TLX3: variants seen among roughly 807,000 people sequenced by gnomAD.
TLX3 encodes T cell leukemia homeobox 3.
In TLX3, 11 loss-of-function variants were observed where a neutral mutation model predicts 19.6. The ratio of observed to expected loss-of-function variants is 0.56; its 90% confidence interval spans 0.35 to 0.93. The LOEUF (loss-of-function observed/expected upper bound fraction) is 0.93, where lower values mean the gene tolerates loss of function less well. Ranked by LOEUF, TLX3 falls within the 40% of genes least tolerant of loss-of-function variation. TLX3 has a pLI of 0.01. For missense variants in TLX3, 375 were observed against 418.6 expected (o/e 0.90, Z 0.91); for synonymous variants, 221 against 188.1 (o/e 1.17, Z -1.43).
At position 171,310,286 on chromosome 5, in the gene TLX3, T is replaced by C. The variant is rs1176082576; in HGVS notation, c.558T>C (p.His186=). The C allele has an allele frequency of 3.8e-6, 6 of 1,595,818 alleles. No homozygotes were observed. The highest frequency in any genetic ancestry group is 1.7e-4 in the Middle Eastern group (1 of 6,042). The part of the protein sequence containing the change: ...VQICELEKRF[H]RQKYLASAER... The stretch of plus-strand genomic sequence containing the variant: ...TCTGCGAGCTGGAAAAGCGCTTCCA[T>C]CGCCAGAAGTACCTGGCCTCTGCCG... Residue 186 remains histidine, a synonymous_variant, in exon 2 of 3, where the codon CAT becomes CAC. Coordinates refer to ENST00000296921, the MANE Select transcript of TLX3 (RefSeq NM_021025.4).
chr5:171,309,763 G>T lies in TLX3; in HGVS notation c.398G>T (p.Arg133Leu), dbSNP rs753416126. ...LNFPWMESSR[R>L]FVKDRFTAAA... The stretch of plus-strand genomic sequence containing the variant: ...TTCCCCTGGATGGAGAGCAGCCGCC[G>T]CTTCGTGAAAGACCGCTTCACAGGT... Residue 133 changes from arginine (R) to leucine (L), a missense_variant, in exon 1 of 3, where the codon CGC becomes CTC. Arg to Leu is a moderately radical substitution (Grantham distance 102). Transcript: ENST00000296921. The T allele has an allele frequency of 6.2e-7, 1 of 1,606,268 alleles. No homozygotes were observed. The highest frequency in any genetic ancestry group is 1.1e-5 in the South Asian group (1 of 90,382).
rs1478136001 is a variant in TLX3 at position 171,311,637 on chromosome 5, C to T, written c.*38C>T. The T allele has an allele frequency of 9.1e-6, 14 of 1,532,478 alleles. No homozygotes were observed. Among genetic ancestry groups the T allele is most frequent in the African/African-American group, 4.2e-5 (3 of 71,552 alleles). The allele number at this position is 1,532,478 out of a possible 1,614,324, so 94.9% of individuals were successfully genotyped here. ...GCACCGTCGCCACGGATCGCCGCCC[C>T]CACCCAGCCGGGCGCCCCGGACCCC... is the stretch of plus-strand genomic sequence containing the variant. On this transcript the variant is annotated 3_prime_UTR_variant, in exon 3 of 3. Transcript: ENST00000296921. The surrounding 1 kb of genome is among the most constrained non-coding windows in gnomAD (Gnocchi z 5.1).
chr5:171,310,142 C>T lies in TLX3; in HGVS notation c.422-8C>T, dbSNP rs371743904. ...CTGGGCTTCAGGGGCCCTCCTGTGT[C>T]TCCGCAGCGGCGGCCGCACTCACGC... On this transcript the variant is annotated splice_region_variant and splice_polypyrimidine_tract_variant and intron_variant, in intron 1 of 2. Transcript: ENST00000296921. The T allele has an allele frequency of 6.5e-7, 1 of 1,549,002 alleles. No homozygotes were observed. Among genetic ancestry groups the T allele is most frequent in the South Asian group, 1.2e-5 (1 of 83,912 alleles).
chr5:171,309,588 T>A lies in TLX3; in HGVS notation c.223T>A (p.Ser75Thr), dbSNP rs1329433459. 6.2e-7 allele frequency: 1 copy of A among 1,603,194 alleles called. No individual in the cohort carries two copies. The highest frequency in any genetic ancestry group is 1.7e-5 in the Admixed American group (1 of 58,994). The change falls in exon 1 of 3, where the codon TCT (serine) becomes ACT (threonine). Residue 75 changes from serine (S) to threonine (T), a missense_variant. Transcript: ENST00000296921. ...CGGCGCGCCCTTCGAGGACGCGGGATCTTACAGTGTGAACCTGAGCCTAGC... is the reference window on the plus strand; with the variant it reads ...CGGCGCGCCCTTCGAGGACGCGGGAACTTACAGTGTGAACCTGAGCCTAGC... ...GLGAPFEDAG[S>T]YSVNLSLAPA...
rs777494954 is a variant in TLX3 at position 171,309,514 on chromosome 5, G to A, written c.149G>A (p.Gly50Asp). The A allele has an allele frequency of 1.5e-5, 24 of 1,564,682 alleles. No individual in the cohort carries two copies. The highest frequency in any genetic ancestry group is 2.4e-5 in the East Asian group (1 of 41,916). Residue 50 changes from glycine to aspartate, a missense_variant, in exon 1 of 3, where the codon GGC becomes GAC. Gly to Asp is a moderately conservative substitution (Grantham distance 94, BLOSUM62 -1). Around this residue, in one of 3 missense-constraint regions of TLX3, gnomAD observed 239 missense variants for 217.0 expected, o/e 1.10. Transcript: ENST00000296921. The stretch of plus-strand genomic sequence containing the variant: ...AGCTACCTGGGAGGGCCCCCCGGGG[G>A]CCGTCCGGGCGCCACATACCCGTCT... ...GASYLGGPPG[G>D]RPGATYPSLP...
chr5:171,309,463 C>G lies in TLX3; in HGVS notation c.98C>G (p.Pro33Arg), dbSNP rs1254448679. Residue 33 changes from proline to arginine, a missense_variant, in exon 1 of 3, where the codon CCC (proline) becomes CGC (arginine). Physicochemically the swap from Pro to Arg is moderately radical, Grantham distance 103 (BLOSUM62 -2). Coordinates refer to ENST00000296921, the MANE Select transcript of TLX3 (RefSeq NM_021025.4). The part of the protein sequence containing the change: ...ILNSPDQDSA[P>R]APRGPDGASY... ...AACAGCCCGGACCAGGACAGCGCAC[C>G]CGCCCCGCGGGGCCCCGACGGCGCC... 5.0e-6 allele frequency: 8 copies of G among 1,598,580 alleles called. No homozygotes were observed. The highest frequency in any genetic ancestry group is 6.8e-6 in the Non-Finnish European group (8 of 1,173,676).
At position 171,311,348 on chromosome 5, in the gene TLX3, G is replaced by C; in HGVS notation, c.666-41G>C. On this transcript the variant is annotated intron_variant, in intron 2 of 2. Transcript: ENST00000296921. This position sits in a 1 kb window ranked among gnomAD's most constrained non-coding sequence, Gnocchi z 5.1. Reference sequence around the variant, plus strand: ...GCCCCGCCGGCGGCCCCGCGGTGCCGGGTGCATGACGGTACTGTCCCTCTC... The same window carrying C: ...GCCCCGCCGGCGGCCCCGCGGTGCCCGGTGCATGACGGTACTGTCCCTCTC... 2.0e-6 allele frequency: 3 copies of C among 1,523,108 alleles called. No homozygotes were observed. Among genetic ancestry groups the C allele is most frequent in the Non-Finnish European group, 2.6e-6 (3 of 1,132,374 alleles). 94.3% of individuals were successfully genotyped at this position (1,523,108 alleles called of 1,614,324 possible). A position where few individuals can be genotyped will look rare whatever the true frequency, so the allele number is the denominator to read the frequency against.
chr5:171,310,349 C>A lies in TLX3; in HGVS notation c.621C>A (p.Asp207Glu), dbSNP rs867994324. The part of the protein sequence containing the change: ...AALAKSLKMT[D>E]AQVKTWFQNR... Reference sequence around the variant, plus strand: ...TCGCCAAGTCCCTCAAAATGACGGACGCGCAGGTCAAGACCTGGTTCCAAA... The same window carrying A: ...TCGCCAAGTCCCTCAAAATGACGGAAGCGCAGGTCAAGACCTGGTTCCAAA... The change falls in exon 2 of 3, where the codon GAC (aspartate) becomes GAA (glutamate). Residue 207 changes from aspartate to glutamate, a missense_variant. By Grantham distance (45) the Asp-to-Glu change is conservative. This residue lies in a region of TLX3 where 74 missense variants were observed against 138.6 expected (regional missense o/e 0.53). Transcript: ENST00000296921. 1 of 1,613,604 alleles carries A rather than the reference C, an allele frequency of 6.2e-7. No homozygotes were observed. Among genetic ancestry groups the A allele is most frequent in the South Asian group, 1.1e-5 (1 of 90,890 alleles).
chr5:171,311,692 A>G lies in TLX3; in HGVS notation c.*93A>G. On this transcript the variant is annotated 3_prime_UTR_variant, in exon 3 of 3. Transcript: ENST00000296921. The surrounding 1 kb of genome is among the most constrained non-coding windows in gnomAD (Gnocchi z 5.1). ...GCGGGCTGCGGGGGAACCGGCGCCG[A>G]GAGGGGAAGGGGCCGCCTAGCCCGA... is the stretch of plus-strand genomic sequence containing the variant. The G allele has an allele frequency of 9.7e-7, 1 of 1,025,860 alleles. No homozygotes were observed. The highest frequency in any genetic ancestry group is 1.4e-6 in the Non-Finnish European group (1 of 714,924). 63.5% of individuals were successfully genotyped at this position (1,025,860 alleles called of 1,614,324 possible).
Position 171,310,146 on chromosome 5 carries a change from G to A in TLX3, c.422-4G>A. On this transcript the variant is annotated splice_region_variant and splice_polypyrimidine_tract_variant and intron_variant, in intron 1 of 2. Transcript: ENST00000296921. ...GCTTCAGGGGCCCTCCTGTGTCTCC[G>A]CAGCGGCGGCCGCACTCACGCCCTT... The A allele has an allele frequency of 1.3e-6, 2 of 1,549,096 alleles. No homozygotes were observed. Among genetic ancestry groups the A allele is most frequent in the Non-Finnish European group, 1.7e-6 (2 of 1,146,566 alleles).
At chr5:171,309,818 TCCGCC>T in intron 1 of TLX3, 32 bp downstream of exon 1, 1 of 1,537,660 alleles carries the variant, frequency 6.5e-7, no homozygotes, top group South Asian at 1.2e-5. Context: ...GCTCCAGGCC[TCCGCC>T]CTCTCGGGGC....
At chr5:171,310,951 G>C (rs1219656459) in intron 2 of TLX3, among the ~76,000 whole-genome samples, 1 of 152,058 alleles carries the variant, frequency 6.6e-6, no homozygotes, top group Non-Finnish European at 1.5e-5. Context: ...AGGGGTTCAA[G>C]ACAGGCCCTG....
Position 171,311,675 on chromosome 5 carries a change from C to CG in TLX3, c.*81dup. ...CGCCCCGGACCCCCCAGGCGGGCTG[C>CG]GGGGGAACCGGCGCCGAGAGGGGAA... On this transcript the variant is annotated 3_prime_UTR_variant, in exon 3 of 3. Coordinates refer to ENST00000296921, the MANE Select transcript of TLX3 (RefSeq NM_021025.4). The surrounding 1 kb of genome is among the most constrained non-coding windows in gnomAD (Gnocchi z 5.1). 8.5e-7 allele frequency: 1 copy of CG among 1,183,080 alleles called. No individual in the cohort carries two copies. Among genetic ancestry groups the CG allele is most frequent in the African/African-American group, 1.6e-5 (1 of 62,070 alleles). The allele number at this position is 1,183,080 out of a possible 1,614,324, so 73.3% of individuals were successfully genotyped here.
intron 1 of TLX3, 144 bp downstream of exon 1, chr5:171,309,930 T>TG: frequency 7.7e-7 from 1 of 1,300,562 alleles, no homozygotes; most frequent in South Asian, 1.6e-5. Flanking sequence ...GCAGCCGTGG[T>TG]GGGGAGGGTA....
rs1769216272 is a variant in TLX3 at position 171,311,309 on chromosome 5, C to G, written c.666-80C>G. 6 of 1,361,552 alleles carry G rather than the reference C, an allele frequency of 4.4e-6. No homozygotes were observed. In the South Asian group the frequency reaches 7.3e-5, roughly 17 times the overall value. The allele number at this position is 1,361,552 out of a possible 1,614,324, so 84.3% of individuals were successfully genotyped here. A position where few individuals can be genotyped will look rare whatever the true frequency, so the allele number is the denominator to read the frequency against. On this transcript the variant is annotated intron_variant, in intron 2 of 2. Coordinates refer to ENST00000296921, the MANE Select transcript of TLX3 (RefSeq NM_021025.4). This position sits in a 1 kb window ranked among gnomAD's most constrained non-coding sequence, Gnocchi z 5.1. ...CGAGGCTCCCGGATGGCCTCGGCTC[C>G]CGGGAGGGCCGGGGCCCCGCCGGCG... is the stretch of plus-strand genomic sequence containing the variant.
intron 2 of TLX3, among the ~76,000 whole-genome samples, chr5:171,310,599 T>G (rs1256286220): frequency 6.8e-6 from 1 of 146,976 alleles, no homozygotes; most frequent in Non-Finnish European, 1.5e-5. Flanking sequence ...TCCATCGTGG[T>G]CTCCCACGCC....
Position 171,311,513 on chromosome 5 carries a change from C to A in TLX3, c.790C>A (p.His264Asn). 1 of 1,613,486 alleles carries A rather than the reference C, an allele frequency of 6.2e-7. No individual in the cohort carries two copies. The highest frequency in any genetic ancestry group is 8.5e-7 in the Non-Finnish European group (1 of 1,179,740). ...CATCCAGCCTGACCCGCTCTGTCTGCACAACTCGTCACTCTTTGCTCTGCA... is the reference window on the plus strand; with the variant it reads ...CATCCAGCCTGACCCGCTCTGTCTGAACAACTCGTCACTCTTTGCTCTGCA... ...DSIQPDPLCL[H>N]NSSLFALQNL... The change falls in exon 3 of 3, where the codon CAC (histidine) becomes AAC (asparagine). Residue 264 changes from histidine (H) to asparagine (N), a missense_variant. His to Asn is a moderately conservative substitution (Grantham distance 68). Around this residue, in one of 3 missense-constraint regions of TLX3, gnomAD observed 62 missense variants for 63.1 expected, o/e 0.98. Coordinates refer to ENST00000296921, the MANE Select transcript of TLX3 (RefSeq NM_021025.4). This position sits in a 1 kb window ranked among gnomAD's most constrained non-coding sequence, Gnocchi z 5.1.
chr5:171,311,633 G>A lies in TLX3; in HGVS notation c.*34G>A. On this transcript the variant is annotated 3_prime_UTR_variant, in exon 3 of 3. Transcript: ENST00000296921. The surrounding 1 kb of genome is among the most constrained non-coding windows in gnomAD (Gnocchi z 5.1). Reference sequence around the variant, plus strand: ...GCGCGCACCGTCGCCACGGATCGCCGCCCCCACCCAGCCGGGCGCCCCGGA... The same window carrying A: ...GCGCGCACCGTCGCCACGGATCGCCACCCCCACCCAGCCGGGCGCCCCGGA... 1.9e-6 allele frequency: 3 copies of A among 1,541,494 alleles called. No homozygotes were observed. Among genetic ancestry groups the A allele is most frequent in the Non-Finnish European group, 2.7e-6 (3 of 1,131,694 alleles).
chr5:171,309,524 C>A lies in TLX3; in HGVS notation c.159C>A (p.Gly53=), dbSNP rs1769180640. Residue 53 remains glycine, a synonymous_variant, in exon 1 of 3, where the codon GGC becomes GGA. Transcript: ENST00000296921. ...YLGGPPGGRP[G]ATYPSLPASF... is the part of the protein sequence containing the mutation. ...GAGGGCCCCCCGGGGGCCGTCCGGGCGCCACATACCCGTCTCTGCCCGCCT... is the reference window on the plus strand; with the variant it reads ...GAGGGCCCCCCGGGGGCCGTCCGGGAGCCACATACCCGTCTCTGCCCGCCT... 1 of 1,563,164 alleles carries A rather than the reference C, an allele frequency of 6.4e-7. No individual in the cohort carries two copies. The highest frequency in any genetic ancestry group is 8.6e-7 in the Non-Finnish European group (1 of 1,157,632).
Sources: allele counts gnomAD v4.1 joint callset (sites outside exome capture counted in the v4.1 genomes callset), GRCh38; gene constraint gnomAD v4.1.1; regional missense constraint gnomAD v4.1.1; non-coding constraint Gnocchi (gnomAD v3.1); transcripts MANE v1.5; gene names NCBI Gene and HGNC (gene_info 2026-07-23, HGNC 2026-07-21).